MTR: variants seen among roughly 807,000 people sequenced by gnomAD.
MTR encodes the protein methionine synthase.
A neutral mutation model predicts 154.8 loss-of-function variants in MTR; 84 were observed. The observed-to-expected ratio is 0.54, with a 90% CI of 0.45 to 0.65. The LOEUF (loss-of-function observed/expected upper bound fraction) is 0.65. Among genes scored for constraint, MTR ranks in the 30% least tolerant of loss-of-function variants. The pLI is 0.00. For synonymous variants in MTR, 554 were observed against 553.9 expected, an observed-to-expected ratio of 1.00 and a Z score of 0.00; for missense variants, 1,275 against 1,570.2, an observed-to-expected ratio of 0.81 and a Z score of 3.18.
In MTR at chr1:236,808,741, GA is replaced by G; in HGVS notation, c.381del (p.Ala128LeufsTer5). The G allele has an allele frequency of 4.3e-6, 7 of 1,614,186 alleles. No individual in the cohort carries two copies. The highest frequency in any genetic ancestry group is 5.9e-6 in the Non-Finnish European group (7 of 1,180,026). ...AACATGTGCTCTGCAGGAGTGGCCAGAAAAGCTGCCGAGGAGGTAACTCTCC... is the reference window on the plus strand; with the variant it reads ...AACATGTGCTCTGCAGGAGTGGCCAGAAAGCTGCCGAGGAGGTAACTCTCC... ...RMNMCSAGVARKAAEEVTLQT... is the reference protein window; with the variant it reads ...RMNMCSAGVAXKAAEEVTLQT... On this transcript the variant is annotated frameshift_variant, in exon 4 of 33. Transcript: ENST00000366577. LOFTEE classifies it high-confidence loss of function.
rs75187123 is a variant in MTR at position 236,821,371 on chromosome 1, C to A, written c.765-2748C>A. On this transcript the variant is annotated intron_variant, in intron 8 of 32. Coordinates refer to ENST00000366577, the MANE Select transcript of MTR (RefSeq NM_000254.3). The stretch of plus-strand genomic sequence containing the variant: ...TAATCCATCTTAATGATCTGATCAT[C>A]TGTAAAGGCCCCACCTTCCAACGCT... Among the ~76,000 whole-genome samples the A allele has an allele frequency of 8.8e-3, 1,348 of 152,336 alleles. 139 individuals are homozygous for A. The East Asian group carries it at 0.21, about 23-fold the overall frequency.
intron 12 of MTR, 148 bp downstream of exon 12, chr1:236,829,416 G>T: frequency 2.6e-6 from 2 of 763,630 alleles, no homozygotes; most frequent in South Asian, 1.4e-5. Flanking sequence ...GAATTCTAGT[G>T]AAGAACCCTT....
intron 3 of MTR, among the ~76,000 whole-genome samples, chr1:236,807,781 C>T (rs949278466): frequency 2.6e-5 from 4 of 152,112 alleles, no homozygotes; most frequent in Non-Finnish European, 4.4e-5. Context: ...AGTTGGCCAA[C>T]GTTTTTTAAT....
At position 236,886,490 on chromosome 1, in the gene MTR, T is replaced by C. The variant is rs1392624778; in HGVS notation, c.2851+123T>C. Reference sequence around the variant, plus strand: ...GCTAACGACTCTCAACTGTGTCTAATGCTGATGAGTGACTGATGACTGGAA... The same window carrying C: ...GCTAACGACTCTCAACTGTGTCTAACGCTGATGAGTGACTGATGACTGGAA... On this transcript the variant is annotated intron_variant, in intron 27 of 32. Transcript: ENST00000366577. 4.8e-6 allele frequency: 4 copies of C among 833,968 alleles called. No individual in the cohort carries two copies. The African/African-American group carries it at 5.0e-5, about 11-fold the overall frequency. 51.7% of individuals were successfully genotyped at this position (833,968 alleles called of 1,614,324 possible).
intron 11 of MTR, among the ~76,000 whole-genome samples, chr1:236,827,581 A>G (rs141640087): frequency 1.6e-3 from 243 of 152,300 alleles, no homozygotes; most frequent in African/African-American, 5.7e-3. Flanking sequence ...TTGTGGGCAA[A>G]TACAGGCCTC....
rs373355217 is a variant in MTR, at chr1:236,834,173, CTTAA to C, written c.1189-1367_1189-1364del. On this transcript the variant is annotated intron_variant, in intron 13 of 32. Coordinates refer to ENST00000366577, the MANE Select transcript of MTR (RefSeq NM_000254.3). ...TAGAAAACATTTTTTGATTTACTGACTTAATTAATTGATTTATTTATTTTGAGAT... is the reference window on the plus strand; with the variant it reads ...TAGAAAACATTTTTTGATTTACTGACTTAATTGATTTATTTATTTTGAGAT... Among the ~76,000 whole-genome samples the C allele has an allele frequency of 1.7e-3, 252 of 152,116 alleles. 1 individual carries two copies. Among genetic ancestry groups the C allele is most frequent in the African/African-American group, 5.9e-3 (245 of 41,498 alleles).
At chr1:236,848,391 T>C (rs1360558530) in intron 15 of MTR, among the ~76,000 whole-genome samples, 1 of 152,158 alleles carries the variant, frequency 6.6e-6, no homozygotes, top group Non-Finnish European at 1.5e-5. Context: ...CTAGTAGCAT[T>C]GGTCGCCCCT....
chr1:236,891,935 A>G (rs1211392687), intron 29 of MTR, among the ~76,000 whole-genome samples: 1 of 152,150 alleles, frequency 6.6e-6, no homozygotes, highest in Non-Finnish European at 1.5e-5. Flanking sequence ...ACATATCCCC[A>G]GTGGCCGTTC....
intron 31 of MTR, 30 bp from the exon 32 acceptor site, chr1:236,896,976 T>TA (rs1666660048): frequency 6.5e-7 from 1 of 1,528,424 alleles, no homozygotes; most frequent in South Asian, 1.1e-5. Flanking sequence ...ACTGAGTCCA[T>TA]AAGCATTTTC....
intron 3 of MTR, among the ~76,000 whole-genome samples, chr1:236,807,846 A>G (rs1233038506): frequency 6.6e-6 from 1 of 152,200 alleles, no homozygotes; most frequent in African/African-American, 2.4e-5. Context: ...GTCTTTTGCA[A>G]CTGCTCAACT....
Position 236,874,849 on chromosome 1 carries a change from A to G in MTR, c.2594+3A>G, listed in dbSNP as rs757969059. ...ATTGGAGGAGCAACCACTTCAAAGT[A>G]AGTTATACTAATGAGCTTTGTCCTC... On this transcript the variant is annotated splice_donor_region_variant and intron_variant, in intron 24 of 32. Transcript: ENST00000366577. 2.5e-6 allele frequency: 4 copies of G among 1,613,750 alleles called. No homozygotes were observed.
intron 25 of MTR, among the ~76,000 whole-genome samples, chr1:236,882,811 A>G (rs1456389088): frequency 6.6e-6 from 1 of 152,348 alleles, no homozygotes; most frequent in East Asian, 1.9e-4. Flanking sequence ...AGCAGTGGTT[A>G]GCTCCTCCCG....
chr1:236,850,325 C>A lies in MTR; in HGVS notation c.1516-19C>A. The A allele has an allele frequency of 1.2e-6, 2 of 1,600,788 alleles. No individual in the cohort carries two copies. The highest frequency in any genetic ancestry group is 1.7e-6 in the Non-Finnish European group (2 of 1,171,056). ...ATAATTTTTCTATTTCAAACTACAT[C>A]TTTTGCTCTTTTCCCTAGGCAACAG... On this transcript the variant is annotated intron_variant, in intron 15 of 32. Transcript: ENST00000366577.
At chr1:236,807,538 A>T (rs1463259161) in intron 3 of MTR, among the ~76,000 whole-genome samples, 1 of 152,100 alleles carries the variant, frequency 6.6e-6, no homozygotes, top group African/African-American at 2.4e-5. Flanking sequence ...CATCCTCACC[A>T]CCATTTATTT....
At chr1:236,865,476 A>G (rs1664773789) in intron 22 of MTR, among the ~76,000 whole-genome samples, 1 of 152,238 alleles carries the variant, frequency 6.6e-6, no homozygotes, top group Non-Finnish European at 1.5e-5. Context: ...TACCTAGCCT[A>G]GTGAGTGAGT....
chr1:236,813,501 T>C (rs1661425075), intron 6 of MTR, among the ~76,000 whole-genome samples: 1 of 152,212 alleles, frequency 6.6e-6, no homozygotes, highest in Non-Finnish European at 1.5e-5. Context: ...CAGCAAGCAA[T>C]GTACAATAGT....
Position 236,862,289 on chromosome 1 carries a change from CATGGAAAAAG to C in MTR, c.2252_2261del (p.Met751LysfsTer12). On this transcript the variant is annotated frameshift_variant, in exon 21 of 33. Transcript: ENST00000366577. LOFTEE classifies it high-confidence loss of function. ...AGGCTGTTGGCCACCTTATCCCTTT[CATGGAAAAAG>C]AAAGAGAAGAAACCAGAGTGCTTAA... 1 of 1,613,970 alleles carries C rather than the reference CATGGAAAAAG, an allele frequency of 6.2e-7. No individual in the cohort carries two copies. The highest frequency in any genetic ancestry group is 8.5e-7 in the Non-Finnish European group (1 of 1,179,910).
At chr1:236,806,748 C>A (rs1661007400) in intron 3 of MTR, among the ~76,000 whole-genome samples, 1 of 152,160 alleles carries the variant, frequency 6.6e-6, no homozygotes, top group Non-Finnish European at 1.5e-5. Flanking sequence ...TCCCATTCTA[C>A]CCCCAACTCC....
intron 22 of MTR, among the ~76,000 whole-genome samples, chr1:236,865,987 A>T (rs2103326287): frequency 6.6e-6 from 1 of 152,308 alleles, no homozygotes; most frequent in South Asian, 2.1e-4. Flanking sequence ...AAGCACATTC[A>T]GGGCTTTTGG....
Sources: allele counts gnomAD v4.1 joint callset (sites outside exome capture counted in the v4.1 genomes callset), GRCh38; gene constraint gnomAD v4.1.1; transcripts MANE v1.5; gene names NCBI Gene and HGNC (gene_info 2026-07-23, HGNC 2026-07-21).